Variants in KRT84 observed in about 807,000 individuals in gnomAD.
KRT84 encodes keratin 84.
In KRT84, 38 loss-of-function variants were observed where a neutral mutation model predicts 49.0. That is an observed-to-expected ratio of 0.78 (90% confidence interval 0.60 to 1.02). KRT84 has a LOEUF of 1.02. Ranked by LOEUF, KRT84 falls within the 50% of genes least tolerant of loss-of-function variation. The pLI is 0.00. For synonymous variants in KRT84, 334 were observed against 312.8 expected, an observed-to-expected ratio of 1.07 and a Z score of -0.72; for missense variants, 860 against 788.6, an observed-to-expected ratio of 1.09 and a Z score of -1.08.
intron 4 of KRT84, 96 bp downstream of exon 4, chr12:52,382,341 C>A: frequency 1.2e-6 from 1 of 801,994 alleles, no homozygotes; most frequent in South Asian, 1.5e-5. Flanking sequence ...TATATGATAG[C>A]AAATGTTTGA....
In KRT84 at chr12:52,377,896, G is replaced by C; in HGVS notation, c.*138C>G. 1.9e-6 allele frequency: 1 copy of C among 532,760 alleles called. No homozygotes were observed. Among genetic ancestry groups the C allele is most frequent in the Non-Finnish European group, 3.1e-6 (1 of 325,368 alleles). The allele number at this position is 532,760 out of a possible 1,614,324, so 33.0% of individuals were successfully genotyped here. On this transcript the variant is annotated 3_prime_UTR_variant, in exon 9 of 9. Coordinates refer to ENST00000257951, the MANE Select transcript of KRT84 (RefSeq NM_033045.4). The stretch of plus-strand genomic sequence containing the variant: ...GACATGGGGCCAGGCAGAATAATCG[G>C]GGGAGTGCTAAGGGGTGGCTTCCTG...
At chr12:52,380,836 G>A (rs1451820437) in intron 6 of KRT84, among the ~76,000 whole-genome samples, 1 of 152,200 alleles carries the variant, frequency 6.6e-6, no homozygotes, top group Non-Finnish European at 1.5e-5. Context: ...GGCATCTAGA[G>A]GGTAAATTTA....
Position 52,378,123 on chromosome 12 carries a change from T to TGGGCAGG in KRT84, c.1707_1713dup (p.Thr572ProfsTer62). ...CTGCAGCTGCTGAAGCCCCCCTGGG[T>TGGGCAGG]GGGCAGGGGGCAGGGGACGCTGGGG... On this transcript the variant is annotated frameshift_variant, in exon 9 of 9. Coordinates refer to ENST00000257951, the MANE Select transcript of KRT84 (RefSeq NM_033045.4). LOFTEE classifies it high-confidence loss of function. The TGGGCAGG allele has an allele frequency of 7.1e-6, 11 of 1,540,666 alleles. No individual in the cohort carries two copies. The highest frequency in any genetic ancestry group is 9.6e-6 in the Non-Finnish European group (11 of 1,147,990).
chr12:52,383,446 T>G, intron 2 of KRT84, 144 bp downstream of exon 2: 1 of 665,666 alleles, frequency 1.5e-6, no homozygotes, highest in South Asian at 1.9e-5. Flanking sequence ...TTCACATATC[T>G]CTACCCACCC....
Position 52,380,553 on chromosome 12 carries a change from C to T in KRT84, c.1234G>A (p.Ala412Thr), listed in dbSNP as rs368656845. The T allele has an allele frequency of 3.1e-6, 5 of 1,613,374 alleles. No homozygotes were observed. Among genetic ancestry groups the T allele is most frequent in the Non-Finnish European group, 4.2e-6 (5 of 1,179,670 alleles). ...RAKLEAAVAEAEQQGEATLSD... is the reference protein window; with the variant it reads ...RAKLEAAVAETEQQGEATLSD... Reference sequence around the variant, plus strand: ...AGGGTCGCCTCGCCCTGCTGCTCGGCCTCGGCCACTGCAGCCTCCAACTTG... The same window carrying T: ...AGGGTCGCCTCGCCCTGCTGCTCGGTCTCGGCCACTGCAGCCTCCAACTTG... The change falls in exon 7 of 9, where the codon GCC (alanine) becomes ACC (threonine). Residue 412 changes from alanine to threonine, a missense_variant. Physicochemically the swap from Ala to Thr is moderately conservative, Grantham distance 58. Coordinates refer to ENST00000257951, the MANE Select transcript of KRT84 (RefSeq NM_033045.4).
rs991579106 is a variant in KRT84 at position 52,381,464 on chromosome 12, C to T, written c.974G>A (p.Ser325Asn). The T allele has an allele frequency of 1.9e-6, 3 of 1,614,052 alleles. No individual in the cohort carries two copies. Among genetic ancestry groups the T allele is most frequent in the Non-Finnish European group, 2.5e-6 (3 of 1,180,040 alleles). ...ETSVIVKMDN[S>N]RDLNLDGIIA... ...GATCCCATCAAGGTTCAGGTCACGGCTGTTGTCCATCTTCACAATGACCGA... is the reference window on the plus strand; with the variant it reads ...GATCCCATCAAGGTTCAGGTCACGGTTGTTGTCCATCTTCACAATGACCGA... Residue 325 changes from serine to asparagine, a missense_variant, in exon 5 of 9, where the codon AGC becomes AAC. By Grantham distance (46) the Ser-to-Asn change is conservative (BLOSUM62 1). Transcript: ENST00000257951.
chr12:52,383,391 C>T (rs116841573), intron 2 of KRT84, among the ~76,000 whole-genome samples, 199 bp downstream of exon 2: 4 of 152,334 alleles, frequency 2.6e-5, no homozygotes, highest in South Asian at 2.1e-4. Flanking sequence ...GAAAAAGATA[C>T]TGAACATGGG....
intron 1 of KRT84, 141 bp from the exon 2 acceptor site, chr12:52,383,939 C>A: frequency 1.5e-6 from 1 of 684,944 alleles, no homozygotes; most frequent in South Asian, 1.9e-5. Context: ...CCTCCACTAA[C>A]TCAGCAGAAG....
rs1161095111 is a variant in KRT84 at position 52,385,220 on chromosome 12, A to T, written c.366T>A (p.Phe122Leu). 6.2e-7 allele frequency: 1 copy of T among 1,613,654 alleles called. No homozygotes were observed. The highest frequency in any genetic ancestry group is 8.5e-7 in the Non-Finnish European group (1 of 1,179,696). The change falls in exon 1 of 9, where the codon TTT (phenylalanine) becomes TTA (leucine). Residue 122 changes from phenylalanine (F) to leucine (L), a missense_variant. Transcript: ENST00000257951. The part of the protein sequence containing the change: ...GIGYGFGGPG[F>L]GYRVGGVGVP... ...CTCCAACCCCTCCAACTCTGTAACC[A>T]AAGCCAGGGCCACCAAAGCCATAGC...
Position 52,385,195 on chromosome 12 carries a change from C to A in KRT84, c.391G>T (p.Val131Phe). 6.2e-6 allele frequency: 10 copies of A among 1,610,818 alleles called. No homozygotes were observed. The highest frequency in any genetic ancestry group is 8.5e-6 in the Non-Finnish European group (10 of 1,177,782). The change falls in exon 1 of 9, where the codon GTC (valine) becomes TTC (phenylalanine). Residue 131 changes from valine to phenylalanine, a missense_variant. Physicochemically the swap from Val to Phe is conservative, Grantham distance 50. Transcript: ENST00000257951. ...GFGYRVGGVG[V>F]PAAPSITAVT... is the part of the protein sequence containing the mutation. The stretch of plus-strand genomic sequence containing the variant: ...GCTGTGATAGATGGGGCTGCTGGGA[C>A]TCCAACCCCTCCAACTCTGTAACCA...
intron 3 of KRT84, 78 bp from the exon 4 acceptor site, chr12:52,382,610 C>G (rs2121439069): frequency 8.5e-7 from 1 of 1,178,938 alleles, no homozygotes; most frequent in Middle Eastern, 1.9e-4. Flanking sequence ...GAGATGGGTG[C>G]AAAGAGGCAG....
In KRT84 at chr12:52,378,379, G is replaced by A. The variant is rs147739301; in HGVS notation, c.1458C>T (p.Ser486=). 1.6e-5 allele frequency: 23 copies of A among 1,455,494 alleles called. 1 individual carries two copies. The East Asian group carries it at 2.9e-4, about 19-fold the overall frequency. The allele number at this position is 1,455,494 out of a possible 1,614,324, so 90.2% of individuals were successfully genotyped here. A position where few individuals can be genotyped will look rare whatever the true frequency, so the allele number is the denominator to read the frequency against. ...LCEGVGPVNI[S]VSSSRGGLVC... ...CCAGGCCGCCCCGGGAGCTGCTGAC[G>A]GCTGCGGAGAAAGAAAGCATCAGGG... is the stretch of plus-strand genomic sequence containing the variant. The change falls in exon 9 of 9, where the codon TCC becomes TCT. Residue 486 remains serine (S), a splice_region_variant and synonymous_variant. Coordinates refer to ENST00000257951, the MANE Select transcript of KRT84 (RefSeq NM_033045.4).
Position 52,378,205 on chromosome 12 carries a change from C to A in KRT84, c.1632G>T (p.Gly544=). The change falls in exon 9 of 9, where the codon GGG becomes GGT. Residue 544 remains glycine, a synonymous_variant. Transcript: ENST00000257951. The part of the protein sequence containing the change: ...LGGARVAPAT[G]DLLSTGTRSG... ...TCCTTGTGCCAGTGCTCAGCAGGTC[C>A]CCAGTGGCCGGGGCGACCCGGGCTC... is the stretch of plus-strand genomic sequence containing the variant. The A allele has an allele frequency of 6.3e-7, 1 of 1,575,516 alleles. No individual in the cohort carries two copies. Among genetic ancestry groups the A allele is most frequent in the Non-Finnish European group, 8.6e-7 (1 of 1,161,752 alleles).
intron 1 of KRT84, 76 bp downstream of exon 1, chr12:52,384,964 T>A: frequency 6.9e-7 from 1 of 1,458,064 alleles, no homozygotes; most frequent in Non-Finnish European, 9.3e-7. Context: ...GGGCCAGTTC[T>A]TTTTAAGGGA....
Position 52,383,122 on chromosome 12 carries a change from C to T in KRT84, c.756-57G>A, listed in dbSNP as rs1939512513. On this transcript the variant is annotated intron_variant, in intron 2 of 8. Coordinates refer to ENST00000257951, the MANE Select transcript of KRT84 (RefSeq NM_033045.4). ...ACTCTGAACTGAGAGGCAGTTACTC[C>T]CAACTCCCCAGTGAACCTTGCAAGA... The T allele has an allele frequency of 6.4e-6, 9 of 1,404,934 alleles. No individual in the cohort carries two copies. The South Asian group carries it at 1.0e-4, about 16-fold the overall frequency. 87.0% of individuals were successfully genotyped at this position (1,404,934 alleles called of 1,614,324 possible).
In KRT84 at chr12:52,378,145, G is replaced by A. The variant is rs1230293014; in HGVS notation, c.1692C>T (p.Pro564=). The stretch of plus-strand genomic sequence containing the variant: ...GGGTGGGCAGGGGGCAGGGGACGCT[G>A]GGGACACAGGCCTCGCTGATGAGCA... The part of the protein sequence containing the change: ...GSMLISEACV[P]SVPCPLPTQG... Residue 564 remains proline, a synonymous_variant, in exon 9 of 9, where the codon CCC becomes CCT. Transcript: ENST00000257951. 1.3e-6 allele frequency: 2 copies of A among 1,569,440 alleles called. No homozygotes were observed. Among genetic ancestry groups the A allele is most frequent in the Non-Finnish European group, 1.7e-6 (2 of 1,159,522 alleles).
Position 52,385,472 on chromosome 12 carries a change from A to T in KRT84, c.114T>A (p.Cys38Ter). The T allele has an allele frequency of 6.2e-7, 1 of 1,614,228 alleles. No individual in the cohort carries two copies. The highest frequency in any genetic ancestry group is 8.5e-7 in the Non-Finnish European group (1 of 1,180,046). ...GGCCCCGGAATCCAGGCCCACTCCA[A>T]CAGGAGACAGAGTTGGCCCGGAAGC... Reference protein sequence around the residue: ...LNRFRANSVSCWSGPGFRGLG... With the variant: ...LNRFRANSVS Residue 38 changes from cysteine to a stop codon, truncating the protein, a stop_gained, in exon 1 of 9, where the codon TGT (cysteine) becomes TGA (stop). Coordinates refer to ENST00000257951, the MANE Select transcript of KRT84 (RefSeq NM_033045.4). LOFTEE classifies it high-confidence loss of function.
At position 52,382,514 on chromosome 12, in the gene KRT84, T is replaced by C. The variant is rs1224203770; in HGVS notation, c.835A>G (p.Met279Val). Residue 279 changes from methionine to valine, a missense_variant, in exon 4 of 9, where the codon ATG becomes GTG. Coordinates refer to ENST00000257951, the MANE Select transcript of KRT84 (RefSeq NM_033045.4). ...TTGGCCTCGAGATCAGACTTGTTCA[T>C]GAAAGCTGCATCCACATCCTGTATA... is the stretch of plus-strand genomic sequence containing the variant. ...ALKKDVDAAF[M>V]NKSDLEANVD... 6 of 1,613,780 alleles carry C rather than the reference T, an allele frequency of 3.7e-6. No individual in the cohort carries two copies. The highest frequency in any genetic ancestry group is 5.1e-6 in the Non-Finnish European group (6 of 1,179,772).
Position 52,385,510 on chromosome 12 carries a change from G to C in KRT84, c.76C>G (p.Gln26Glu). The stretch of plus-strand genomic sequence containing the variant: ...TTGGCCCGGAAGCGATTCAGGTTCT[G>C]TGGTGTCATTGCTGAACAAGAGCTG... ...NFSSCSAMTP[Q>E]NLNRFRANSV... The change falls in exon 1 of 9, where the codon CAG becomes GAG. Residue 26 changes from glutamine to glutamate, a missense_variant. Physicochemically the swap from Gln to Glu is conservative, Grantham distance 29. Coordinates refer to ENST00000257951, the MANE Select transcript of KRT84 (RefSeq NM_033045.4). 1 of 1,614,230 alleles carries C rather than the reference G, an allele frequency of 6.2e-7. No homozygotes were observed. The highest frequency in any genetic ancestry group is 8.5e-7 in the Non-Finnish European group (1 of 1,180,044).
Sources: gnomAD v4.1 joint callset for allele counts (sites outside exome capture counted in the v4.1 genomes callset) on GRCh38, gnomAD v4.1.1 for gene constraint, MANE v1.5 for transcripts, NCBI Gene and HGNC (gene_info 2026-07-23, HGNC 2026-07-21) for gene names.